The following SLC3A1 variants were observed in gnomAD, a reference collection of about 807,000 sequenced individuals.
SLC3A1 encodes the protein solute carrier family 3 member 1.
A neutral mutation model predicts 60.3 loss-of-function variants in SLC3A1; 78 were observed. That is an observed-to-expected ratio of 1.29 (90% CI 1.08 to 1.56). The LOEUF (loss-of-function observed/expected upper bound fraction) is 1.56, where lower values mean the gene tolerates loss of function less well. SLC3A1 is among the 40% of genes most tolerant of loss of function. The pLI, the probability that SLC3A1 is intolerant of heterozygous loss-of-function variation, is 0.00. For missense variants in SLC3A1, 1,172 were observed against 858.9 expected, an observed-to-expected ratio of 1.36 and a Z score of -4.56; for synonymous variants, 392 against 307.9, an observed-to-expected ratio of 1.27 and a Z score of -2.86.
intron 9 of SLC3A1, chr2:44,318,189 C>G (rs1408869939): frequency 2.4e-6 from 1 of 418,080 alleles, no homozygotes; most frequent in Middle Eastern, 3.7e-4. Flanking sequence ...TTCCTGGGTT[C>G]AAGTGATTCT....
intron 7 of SLC3A1, among the ~76,000 whole-genome samples, chr2:44,306,286 G>A (rs1468687531): frequency 6.6e-6 from 1 of 152,092 alleles, no homozygotes; most frequent in Admixed American, 6.6e-5. Context: ...ATGAAAACCT[G>A]AAAGGATAAA....
chr2:44,317,404 G>C (rs2104393053), intron 9 of SLC3A1, among the ~76,000 whole-genome samples: 1 of 151,544 alleles, frequency 6.6e-6, no homozygotes, highest in African/African-American at 2.4e-5. Context: ...TGAGGCTGCA[G>C]TGAGCCATGA....
At chr2:44,301,757 G>A (rs948014538) in intron 6 of SLC3A1, among the ~76,000 whole-genome samples, 197 of 105,800 alleles carry the variant, frequency 1.9e-3, no homozygotes, top group Middle Eastern at 0.011. Flanking sequence ...AAAAAAAAAA[G>A]AACCAAAAAA....
chr2:44,281,027 T>C lies in SLC3A1; in HGVS notation c.610+132T>C, dbSNP rs970324398. The C allele has an allele frequency of 9.7e-6, 7 of 719,104 alleles. No individual in the cohort carries two copies. In the African/African-American group the frequency reaches 1.2e-4, roughly 12 times the overall value. 44.5% of individuals were successfully genotyped at this position (719,104 alleles called of 1,614,324 possible). A position where few individuals can be genotyped will look rare whatever the true frequency, so the allele number is the denominator to read the frequency against. Reference sequence around the variant, plus strand: ...TTTCCCTCCCTCCCTCCCTTCCTTCTTTCTTTCCTTCCCGCTTTCTCTTTC... The same window carrying C: ...TTTCCCTCCCTCCCTCCCTTCCTTCCTTCTTTCCTTCCCGCTTTCTCTTTC... On this transcript the variant is annotated intron_variant, in intron 2 of 9. Coordinates refer to ENST00000260649, the MANE Select transcript of SLC3A1 (RefSeq NM_000341.4).
chr2:44,297,567 G>C (rs1671885446), intron 4 of SLC3A1, among the ~76,000 whole-genome samples: 1 of 152,154 alleles, frequency 6.6e-6, no homozygotes, highest in African/African-American at 2.4e-5. Flanking sequence ...CCTCTCATGA[G>C]GACCTGCATT....
chr2:44,277,092 T>TTCTC (rs71393254), intron 1 of SLC3A1, among the ~76,000 whole-genome samples: 61,767 of 115,534 alleles, frequency 0.53, 17,879 homozygotes, highest in Middle Eastern at 0.61. Context: ...GCTCCTATCA[T>TTCTC]TCTCTCTCTT....
In SLC3A1 at chr2:44,320,751, T is replaced by G. The variant is rs1241885036; in HGVS notation, c.*112T>G. On this transcript the variant is annotated 3_prime_UTR_variant, in exon 10 of 10. Transcript: ENST00000260649. ...GAACAATCATTAATTCTTCGATATT[T>G]CTGTAGCTTGAATGTAACTGCTTTA... 1 of 884,006 alleles carries G rather than the reference T, an allele frequency of 1.1e-6. No homozygotes were observed. Among genetic ancestry groups the G allele is most frequent in the African/African-American group, 1.7e-5 (1 of 60,382 alleles). The allele number at this position is 884,006 out of a possible 1,614,324, so 54.8% of individuals were successfully genotyped here. A position where few individuals can be genotyped will look rare whatever the true frequency, so the allele number is the denominator to read the frequency against.
intron 1 of SLC3A1, among the ~76,000 whole-genome samples, chr2:44,278,363 G>A (rs1478859495): frequency 1.3e-5 from 2 of 152,072 alleles, no homozygotes; most frequent in African/African-American, 4.8e-5. Context: ...CAGGAGAATG[G>A]CGTGAACCCA....
chr2:44,283,671 G>T (rs1428143927), intron 3 of SLC3A1, among the ~76,000 whole-genome samples: 2 of 152,004 alleles, frequency 1.3e-5, no homozygotes, highest in Non-Finnish European at 2.9e-5. Flanking sequence ...TGCTTTTTTA[G>T]TTCTCCACTA....
chr2:44,304,203 G>T lies in SLC3A1; in HGVS notation c.1197G>T (p.Leu399Phe). The change falls in exon 7 of 10, where the codon TTG becomes TTT. Residue 399 changes from leucine to phenylalanine, a missense_variant. Coordinates refer to ENST00000260649, the MANE Select transcript of SLC3A1 (RefSeq NM_000341.4). Reference sequence around the variant, plus strand: ...ACAGGACCGTGATGTACTATGGATTGCCATTTATCCAAGAAGCTGATTTTC... The same window carrying T: ...ACAGGACCGTGATGTACTATGGATTTCCATTTATCCAAGAAGCTGATTTTC... The part of the protein sequence containing the change: ...SIDRTVMYYG[L>F]PFIQEADFPF... 3 of 1,614,086 alleles carry T rather than the reference G, an allele frequency of 1.9e-6. No homozygotes were observed. The South Asian group carries it at 3.3e-5, about 18-fold the overall frequency.
intron 6 of SLC3A1, chr2:44,303,864 AATG>A (rs1348617358): frequency 1.7e-6 from 1 of 574,576 alleles, no homozygotes; most frequent in African/African-American, 1.9e-5. Context: ...GTTTGCTTAG[AATG>A]ATGGTTTCCA....
intron 4 of SLC3A1, among the ~76,000 whole-genome samples, chr2:44,286,814 C>CGGTGAGCTGTGCGGTGCCTGTGAT (rs1572794472): frequency 5.4e-5 from 8 of 148,094 alleles, no homozygotes; most frequent in African/African-American, 1.5e-4. Flanking sequence ...GTGCCTGTGA[C>CGGTGAGCTGTGCGGTGCCTGTGAT]GGTGAGCTGT....
intron 3 of SLC3A1, among the ~76,000 whole-genome samples, chr2:44,281,845 G>C (rs1269471347): frequency 6.6e-6 from 1 of 151,888 alleles, no homozygotes; most frequent in African/African-American, 2.4e-5. Flanking sequence ...CCATTAGTTT[G>C]ATAACCATTT....
chr2:44,290,123 C>CT (rs34642873), intron 4 of SLC3A1, among the ~76,000 whole-genome samples: 76,013 of 131,034 alleles, frequency 0.58, 22,414 homozygotes, highest in Non-Finnish European at 0.64. Context: ...AGCTGTCCGA[C>CT]TTTTTTTTTT....
In SLC3A1 at chr2:44,320,694, G is replaced by T. The variant is rs1403393163; in HGVS notation, c.*55G>T. 2 of 1,335,622 alleles carry T rather than the reference G, an allele frequency of 1.5e-6. No homozygotes were observed. The highest frequency in any genetic ancestry group is 2.3e-5 in the East Asian group (1 of 43,514). 82.7% of individuals were successfully genotyped at this position (1,335,622 alleles called of 1,614,324 possible). A position where few individuals can be genotyped will look rare whatever the true frequency, so the allele number is the denominator to read the frequency against. On this transcript the variant is annotated 3_prime_UTR_variant, in exon 10 of 10. Transcript: ENST00000260649. ...CATTTCAGTGGGATTGTAAGCATTTGTAATAGCTTCATGTACAGCATGCTG... is the reference window on the plus strand; with the variant it reads ...CATTTCAGTGGGATTGTAAGCATTTTTAATAGCTTCATGTACAGCATGCTG...
intron 1 of SLC3A1, among the ~76,000 whole-genome samples, chr2:44,280,475 G>A (rs1347070281): frequency 6.6e-6 from 1 of 151,668 alleles, no homozygotes; most frequent in Non-Finnish European, 1.5e-5. Flanking sequence ...TTGACCTTAG[G>A]TATCCTCCCA....
intron 7 of SLC3A1, among the ~76,000 whole-genome samples, chr2:44,309,713 C>T (rs535974446): frequency 6.6e-6 from 1 of 152,186 alleles, no homozygotes; most frequent in South Asian, 2.1e-4. Flanking sequence ...ATTCTTATGC[C>T]TTAGCCTCCT....
intron 7 of SLC3A1, among the ~76,000 whole-genome samples, chr2:44,305,497 G>A (rs1052095370): frequency 7.0e-6 from 1 of 143,872 alleles, no homozygotes; most frequent in Non-Finnish European, 1.5e-5. Context: ...GCGTGATCTT[G>A]GCTTACTGCA....
At chr2:44,298,557 T>G (rs967487703) in intron 4 of SLC3A1, among the ~76,000 whole-genome samples, 1 of 152,220 alleles carries the variant, frequency 6.6e-6, no homozygotes, top group African/African-American at 2.4e-5. Flanking sequence ...TTTGTATGTT[T>G]AGTAGAGGCG....
Sources: allele counts gnomAD v4.1 joint callset (sites outside exome capture counted in the v4.1 genomes callset), GRCh38; gene constraint gnomAD v4.1.1; transcripts MANE v1.5; gene names NCBI Gene and HGNC (gene_info 2026-07-23, HGNC 2026-07-21).